The following CNTNAP2 variants were observed in gnomAD, a reference collection of about 807,000 sequenced individuals.
CNTNAP2 encodes contactin-associated protein-like 2.
Under a neutral mutation model 155.2 loss-of-function variants are expected in CNTNAP2, and 98 were observed. The ratio of observed to expected loss-of-function variants is 0.63; its 90% CI spans 0.54 to 0.75. CNTNAP2 has a LOEUF of 0.75. Among genes scored for constraint, CNTNAP2 ranks in the 30% least tolerant of loss-of-function variants. CNTNAP2 has a pLI of 0.00. For synonymous variants in CNTNAP2, 651 were observed against 631.2 expected, an observed-to-expected ratio of 1.03 and a Z score of -0.47; for missense variants, 1,727 against 1,688.1, an observed-to-expected ratio of 1.02 and a Z score of -0.40.
intron 8 of CNTNAP2, among the ~76,000 whole-genome samples, chr7:147,142,552 C>G (rs1333000715): frequency 2.0e-5 from 3 of 152,044 alleles, no homozygotes; most frequent in African/African-American, 7.2e-5. Context: ...TGTTGTGTCT[C>G]TGCCAGGCTT....
intron 3 of CNTNAP2, among the ~76,000 whole-genome samples, chr7:146,978,348 G>A (rs1462869395): frequency 6.6e-6 from 1 of 152,120 alleles, no homozygotes; most frequent in Non-Finnish European, 1.5e-5. Flanking sequence ...GTGCCAGGCT[G>A]CACATGGAGG....
At chr7:146,437,822 A>G (rs1292329484) in intron 1 of CNTNAP2, among the ~76,000 whole-genome samples, 7 of 151,424 alleles carry the variant, frequency 4.6e-5, no homozygotes, top group Non-Finnish European at 8.8e-5. Context: ...AATGTGATCA[A>G]AAGTGAAGTG....
chr7:147,972,543 A>G (rs965824369), intron 14 of CNTNAP2, among the ~76,000 whole-genome samples: 1 of 152,188 alleles, frequency 6.6e-6, no homozygotes, highest in Non-Finnish European at 1.5e-5. Context: ...AATTCTTCAG[A>G]AAAACAATAC....
chr7:147,568,472 T>C (rs1800219364), intron 12 of CNTNAP2, among the ~76,000 whole-genome samples: 1 of 152,170 alleles, frequency 6.6e-6, no homozygotes, highest in African/African-American at 2.4e-5. Flanking sequence ...GTTGATGACA[T>C]TGAGGAGAGA....
Position 147,885,295 on chromosome 7 carries a change from T to G in CNTNAP2, c.2099-18270T>G, listed in dbSNP as rs569696092. On this transcript the variant is annotated intron_variant, in intron 13 of 23. Coordinates refer to ENST00000361727, the MANE Select transcript of CNTNAP2 (RefSeq NM_014141.6). ...TTTTCTGGACTCTCCTGGTCGTGTC[T>G]TCATCAAATTGGGTTAAGAAACCAA... 3.3e-5 allele frequency among the ~76,000 whole-genome samples: 5 copies of G among 152,322 alleles called. No individual in the cohort carries two copies. The East Asian group carries it at 9.6e-4, about 29-fold the overall frequency.
chr7:146,304,455 G>A (rs947671082), intron 1 of CNTNAP2, among the ~76,000 whole-genome samples: 1 of 152,034 alleles, frequency 6.6e-6, no homozygotes, highest in Non-Finnish European at 1.5e-5. Flanking sequence ...GCTCTTGTAA[G>A]GCAGGCCTGG....
intron 1 of CNTNAP2, among the ~76,000 whole-genome samples, chr7:146,241,639 C>T (rs1250480932): frequency 6.6e-6 from 1 of 152,058 alleles, no homozygotes; most frequent in Non-Finnish European, 1.5e-5. Flanking sequence ...TTCCACAAAT[C>T]TATTTCTAAA....
intron 1 of CNTNAP2, among the ~76,000 whole-genome samples, chr7:146,636,821 G>A (rs1392288630): frequency 2.0e-5 from 3 of 152,152 alleles, no homozygotes; most frequent in Admixed American, 1.3e-4. Context: ...AAAATGTTAG[G>A]CGTCTCTTTG....
At chr7:147,271,128 C>T (rs995689834) in intron 8 of CNTNAP2, among the ~76,000 whole-genome samples, 10 of 152,196 alleles carry the variant, frequency 6.6e-5, no homozygotes, top group South Asian at 2.1e-4. Context: ...AGTAGTTTCA[C>T]GAAAGAACAA....
intron 1 of CNTNAP2, among the ~76,000 whole-genome samples, chr7:146,352,748 C>CTTTTTTTTTTTTTTTTTTTTT: frequency 1.5e-5 from 1 of 66,212 alleles, no homozygotes; most frequent in Admixed American, 1.9e-4. Flanking sequence ...TAGCATAATT[C>CTTTTTTTTTTTTTTTTTTTTT]TGTTTTTTTT....
chr7:147,700,036 T>C (rs1796212915), intron 13 of CNTNAP2, among the ~76,000 whole-genome samples: 2 of 152,226 alleles, frequency 1.3e-5, no homozygotes, highest in African/African-American at 2.4e-5. Context: ...ACTGACAATG[T>C]GGAAAATGTA....
At chr7:146,181,951 A>C (rs959869810) in intron 1 of CNTNAP2, among the ~76,000 whole-genome samples, 4 of 152,100 alleles carry the variant, frequency 2.6e-5, no homozygotes, top group Non-Finnish European at 2.9e-5. Context: ...CTCATTGGTC[A>C]TGTAGGTTAG....
At chr7:147,090,985 GA>G (rs1800392116) in intron 4 of CNTNAP2, among the ~76,000 whole-genome samples, 1 of 151,960 alleles carries the variant, frequency 6.6e-6, no homozygotes, top group Non-Finnish European at 1.5e-5. Flanking sequence ...AAAAATAAAT[GA>G]AAAATTAAGC....
At chr7:146,352,481 A>T (rs1794929145) in intron 1 of CNTNAP2, among the ~76,000 whole-genome samples, 1 of 152,090 alleles carries the variant, frequency 6.6e-6, no homozygotes, top group Non-Finnish European at 1.5e-5. Context: ...GAATTTTTGG[A>T]AATAAGCCTA....
intron 1 of CNTNAP2, among the ~76,000 whole-genome samples, chr7:146,573,050 G>T (rs1798466896): frequency 6.6e-6 from 1 of 152,170 alleles, no homozygotes; most frequent in Admixed American, 6.5e-5. Context: ...AATATCAAGT[G>T]TTATGCGTCT....
At chr7:146,378,420 A>G (rs528885155) in intron 1 of CNTNAP2, among the ~76,000 whole-genome samples, 1 of 152,154 alleles carries the variant, frequency 6.6e-6, no homozygotes. Context: ...GATGATGACA[A>G]TGACGACAAC....
intron 1 of CNTNAP2, among the ~76,000 whole-genome samples, chr7:146,671,869 G>A (rs1800314272): frequency 6.6e-6 from 1 of 151,456 alleles, no homozygotes; most frequent in Non-Finnish European, 1.5e-5. Flanking sequence ...AGACTGAAGT[G>A]CAATGTTGTG....
intron 11 of CNTNAP2, among the ~76,000 whole-genome samples, chr7:147,514,822 C>T (rs1799089797): frequency 6.6e-6 from 1 of 152,148 alleles, no homozygotes; most frequent in African/African-American, 2.4e-5. Flanking sequence ...GACTCTATCA[C>T]CGCCATTCTG....
At chr7:147,965,893 A>G (rs1307731160) in intron 14 of CNTNAP2, among the ~76,000 whole-genome samples, 1 of 152,108 alleles carries the variant, frequency 6.6e-6, no homozygotes, top group Middle Eastern at 3.2e-3. Flanking sequence ...TGCCTTTTTC[A>G]AACGTCTACG....
Sources: gnomAD v4.1 joint callset for allele counts (sites outside exome capture counted in the v4.1 genomes callset) on GRCh38, gnomAD v4.1.1 for gene constraint, MANE v1.5 for transcripts, NCBI Gene and HGNC (gene_info 2026-07-23, HGNC 2026-07-21) for gene names.